The following FBXW10 variants were observed in gnomAD, a reference collection of about 807,000 sequenced individuals.
FBXW10 encodes F-box and WD repeat domain containing 10, also known as F-box/WD repeat-containing protein 10.
FBXW10 carries 68 observed loss-of-function variants against 113.1 expected under a neutral mutation model. The ratio of observed to expected loss-of-function variants is 0.60; its 90% confidence interval spans 0.49 to 0.74. The LOEUF (loss-of-function observed/expected upper bound fraction) is 0.74. Ranked by LOEUF, FBXW10 falls within the 30% of genes least tolerant of loss-of-function variation. The pLI is 0.00. For synonymous variants in FBXW10, 289 were observed against 481.6 expected, an observed-to-expected ratio of 0.60 and a Z score of 5.24; for missense variants, 753 against 1,284.5, an observed-to-expected ratio of 0.59 and a Z score of 6.32.
At chr17:18,748,245 C>T in intron 2 of FBXW10, 140 bp downstream of exon 2, 15 of 1,422,876 alleles carry the variant, frequency 1.1e-5, no homozygotes, top group South Asian at 1.4e-5. Context: ...CGGTGAAACC[C>T]CGTCTCTACT....
intron 7 of FBXW10, among the ~76,000 whole-genome samples, chr17:18,763,147 A>T (rs2151814375): frequency 6.6e-6 from 1 of 152,044 alleles, no homozygotes; most frequent in Middle Eastern, 3.4e-3. Context: ...TAACTCTGTG[A>T]AGTAAGTACA....
chr17:18,761,414 C>T (rs575367155), intron 7 of FBXW10, among the ~76,000 whole-genome samples: 54 of 152,020 alleles, frequency 3.6e-4, no homozygotes, highest in Admixed American at 1.5e-3. Flanking sequence ...TACAGGCACC[C>T]GCCACCACGC....
intron 2 of FBXW10, 25 bp downstream of exon 2, chr17:18,748,130 C>A: frequency 6.2e-7 from 1 of 1,613,478 alleles, no homozygotes; most frequent in East Asian, 2.2e-5. Context: ...AGCAAGAAAG[C>A]CAATATGGGC....
intron 7 of FBXW10, among the ~76,000 whole-genome samples, chr17:18,763,966 A>T (rs1210079905): frequency 6.8e-6 from 1 of 146,334 alleles, no homozygotes; most frequent in East Asian, 2.0e-4. Flanking sequence ...CACTATTGCC[A>T]TCTGGGGCTG....
At chr17:18,772,361 T>C (rs1490859370) in intron 11 of FBXW10, 51 bp from the exon 12 acceptor site, 1 of 1,564,670 alleles carries the variant, frequency 6.4e-7, no homozygotes, top group African/African-American at 1.4e-5. Flanking sequence ...AGTGCATCTT[T>C]CGGTGGCCTC....
chr17:18,766,879 C>T lies in FBXW10; in HGVS notation c.1704+17C>T. 1 of 1,566,784 alleles carries T rather than the reference C, an allele frequency of 6.4e-7. No homozygotes were observed. Among genetic ancestry groups the T allele is most frequent in the Non-Finnish European group, 8.7e-7 (1 of 1,151,048 alleles). ...TTGGTAAAGGTAAGTGGGCAGTGGG[C>T]TACCTTGGCGGAAAGGGCACTGGGG... On this transcript the variant is annotated intron_variant, in intron 9 of 13. Transcript: ENST00000395665.
At chr17:18,764,989 ACCCACCCACCCATCCTT>A (rs1465194377) in intron 8 of FBXW10, 126 bp downstream of exon 8, 1 of 1,582,116 alleles carries the variant, frequency 6.3e-7, no homozygotes, top group Non-Finnish European at 8.6e-7. Flanking sequence ...CCATCCATCC[ACCCACCCACCCATCCTT>A]CCTTCCTTCC....
chr17:18,749,313 C>A (rs1198963016), intron 2 of FBXW10, among the ~76,000 whole-genome samples: 2 of 151,632 alleles, frequency 1.3e-5, no homozygotes, highest in Admixed American at 6.6e-5. Context: ...CCGAGGCGGG[C>A]GGATCACACG....
chr17:18,757,374 G>A (rs192596055), intron 6 of FBXW10, among the ~76,000 whole-genome samples: 25 of 152,234 alleles, frequency 1.6e-4, no homozygotes, highest in African/African-American at 5.5e-4. Flanking sequence ...TTGTAGAGAC[G>A]GGGTTTCGTT....
chr17:18,750,270 C>A, intron 4 of FBXW10, 133 bp downstream of exon 4: 1 of 916,780 alleles, frequency 1.1e-6, no homozygotes, highest in Non-Finnish European at 1.6e-6. Context: ...TTTAGGCTTC[C>A]TGGGTCCCTT....
In FBXW10 at chr17:18,767,549, G is replaced by A. The variant is rs143325815; in HGVS notation, c.1704+687G>A. Among the ~76,000 whole-genome samples, 557 of 151,914 alleles carry A rather than the reference G, an allele frequency of 3.7e-3. 3 individuals carry two copies. The highest frequency in any genetic ancestry group is 0.012 in the African/African-American group (513 of 41,442). ...GAACAGAGAATTTTTTTTTCTCCATGCTCTCTAATGAAGAGAGAACATGGA... is the reference window on the plus strand; with the variant it reads ...GAACAGAGAATTTTTTTTTCTCCATACTCTCTAATGAAGAGAGAACATGGA... On this transcript the variant is annotated intron_variant, in intron 9 of 13. Transcript: ENST00000395665.
chr17:18,761,432 A>AT (rs2035383793), intron 7 of FBXW10, among the ~76,000 whole-genome samples: 2 of 151,710 alleles, frequency 1.3e-5, no homozygotes, highest in African/African-American at 4.8e-5. Context: ...CGCCTGGCTA[A>AT]TTTTTTGTAT....
At chr17:18,769,013 G>A (rs2035558149) in intron 10 of FBXW10, among the ~76,000 whole-genome samples, 1 of 138,552 alleles carries the variant, frequency 7.2e-6, no homozygotes, top group African/African-American at 2.7e-5. Context: ...TTGGCTCACT[G>A]CAAGCTCTAC....
intron 7 of FBXW10, among the ~76,000 whole-genome samples, chr17:18,763,419 G>A (rs1322101343): frequency 6.6e-6 from 1 of 151,962 alleles, no homozygotes; most frequent in African/African-American, 2.4e-5. Flanking sequence ...GCCTCCCAAA[G>A]TGCTGGGATT....
chr17:18,759,143 C>A (rs1258007111), intron 7 of FBXW10, among the ~76,000 whole-genome samples: 2 of 152,040 alleles, frequency 1.3e-5, no homozygotes, highest in Non-Finnish European at 2.9e-5. Flanking sequence ...ACACTCCAGA[C>A]TGGGCGACAC....
intron 6 of FBXW10, among the ~76,000 whole-genome samples, 193 bp downstream of exon 6, chr17:18,756,347 G>T (rs1205187115): frequency 6.6e-6 from 1 of 152,234 alleles, no homozygotes; most frequent in Non-Finnish European, 1.5e-5. Context: ...GTGGGTAAAG[G>T]ACACTTTCCC....
intron 5 of FBXW10, among the ~76,000 whole-genome samples, chr17:18,751,257 G>T (rs1025673279): frequency 1.0e-4 from 15 of 148,016 alleles, no homozygotes; most frequent in African/African-American, 3.5e-4. Flanking sequence ...ATGGAGTCTC[G>T]CTATGTCACC....
intron 13 of FBXW10, among the ~76,000 whole-genome samples, chr17:18,777,695 C>T (rs1323906436): frequency 1.3e-5 from 2 of 151,762 alleles, no homozygotes; most frequent in African/African-American, 4.8e-5. Context: ...AGGCGCCCGC[C>T]GCCATGCCGG....
At chr17:18,760,523 G>C (rs1489440128) in intron 7 of FBXW10, among the ~76,000 whole-genome samples, 1 of 152,234 alleles carries the variant, frequency 6.6e-6, no homozygotes, top group African/African-American at 2.4e-5. Context: ...CTCAATATGG[G>C]CCAGGCGCGG....
Sources: gnomAD v4.1 joint callset for allele counts (sites outside exome capture counted in the v4.1 genomes callset) on GRCh38, gnomAD v4.1.1 for gene constraint, MANE v1.5 for transcripts, NCBI Gene and HGNC (gene_info 2026-07-23, HGNC 2026-07-21) for gene names.